Variants in MAST4 observed in about 807,000 individuals in gnomAD.
The protein encoded by MAST4 is microtubule-associated serine/threonine-protein kinase 4.
Under a neutral mutation model 162.7 loss-of-function variants are expected in MAST4, and 89 were observed. That is an observed-to-expected ratio of 0.55 (90% CI 0.46 to 0.65). The LOEUF (loss-of-function observed/expected upper bound fraction) is 0.65, where lower values mean the gene tolerates loss of function less well. Ranked by LOEUF, MAST4 falls within the 30% of genes least tolerant of loss-of-function variation. The pLI is 0.00. For missense variants in MAST4, 3,153 were observed against 3,374.0 expected (o/e 0.93, Z 1.62); for synonymous variants, 1,479 against 1,361.1 (o/e 1.09, Z -1.91).
Position 67,165,132 on chromosome 5 carries a change from C to A in MAST4, c.5953C>A (p.Arg1985Ser). The A allele has an allele frequency of 6.3e-7, 1 of 1,588,688 alleles. No individual in the cohort carries two copies. Among genetic ancestry groups the A allele is most frequent in the Non-Finnish European group, 8.6e-7 (1 of 1,167,362 alleles). Reference protein sequence around the residue: ...ERGPPTARSERSAARADTCRE... With the variant: ...ERGPPTARSESSAARADTCRE... ...AGGCCCTCCCACAGCCAGAAGCGAG[C>A]GCTCTGCTGCGAGGGCTGACACATG... Residue 1985 changes from arginine to serine, a missense_variant, in exon 29 of 29, where the codon CGC becomes AGC. Arg to Ser is a moderately radical substitution (Grantham distance 110, BLOSUM62 -1). Transcript: ENST00000403625.
Position 66,767,478 on chromosome 5 carries a change from G to C in MAST4, c.517+7616G>C, listed in dbSNP as rs80112630. ...GGAAATGATGGCAAACCATATATTG[G>C]CTGCATGTGAGAGAGTAAGATGAGG... On this transcript the variant is annotated intron_variant, in intron 2 of 28. Coordinates refer to ENST00000403625, the MANE Select transcript of MAST4 (RefSeq NM_001164664.2). 9.3e-3 allele frequency among the ~76,000 whole-genome samples: 1,410 copies of C among 152,212 alleles called. 10 individuals carry two copies. The highest frequency in any genetic ancestry group is 0.037 in the South Asian group (176 of 4,814).
At position 66,746,852 on chromosome 5, in the gene MAST4, C is replaced by T. The variant is rs1752789221; in HGVS notation, c.364-12857C>T. ...TCAAATTAGTATTTTCCGTGTTCTC[C>T]CAGTGTCATTGTTCCTAAAGTAAAC... On this transcript the variant is annotated intron_variant, in intron 1 of 28. Transcript: ENST00000403625. Among the ~76,000 whole-genome samples, 3 of 152,098 alleles carry T rather than the reference C, an allele frequency of 2.0e-5. No individual in the cohort carries two copies. In the South Asian group the frequency reaches 6.2e-4, roughly 32 times the overall value.
At chr5:66,846,622 G>A (rs1433420276) in intron 3 of MAST4, among the ~76,000 whole-genome samples, 1 of 152,088 alleles carries the variant, frequency 6.6e-6, no homozygotes, top group Non-Finnish European at 1.5e-5. Flanking sequence ...TATCAGAAGA[G>A]GTATGTTATG....
intron 1 of MAST4, among the ~76,000 whole-genome samples, chr5:66,638,103 G>A (rs1745239260): frequency 6.6e-6 from 1 of 152,078 alleles, no homozygotes; most frequent in African/African-American, 2.4e-5. Context: ...TAAATTAGCT[G>A]TCTAATCACC....
At chr5:66,733,602 C>A (rs953419018) in intron 1 of MAST4, among the ~76,000 whole-genome samples, 9 of 152,022 alleles carry the variant, frequency 5.9e-5, no homozygotes, top group Non-Finnish European at 1.2e-4. Context: ...GGATTACAGG[C>A]GCCCGCCACC....
chr5:67,120,425 T>A (rs950954396), intron 13 of MAST4, among the ~76,000 whole-genome samples: 6 of 152,238 alleles, frequency 3.9e-5, no homozygotes, highest in Admixed American at 2.6e-4. Context: ...AGAATTTTTT[T>A]AAAGCATTTT....
At chr5:66,640,521 G>T (rs768551583) in intron 1 of MAST4, among the ~76,000 whole-genome samples, 1 of 152,094 alleles carries the variant, frequency 6.6e-6, no homozygotes, top group Non-Finnish European at 1.5e-5. Flanking sequence ...TGTTAGCCAG[G>T]ATGGTCTCTA....
At chr5:66,829,854 T>A (rs201515653) in intron 3 of MAST4, among the ~76,000 whole-genome samples, 1 of 106,172 alleles carries the variant, frequency 9.4e-6, no homozygotes, top group Admixed American at 8.5e-5. Flanking sequence ...TACTATAATA[T>A]TAATATAGGC....
chr5:66,944,205 A>T (rs1743705689), intron 4 of MAST4, among the ~76,000 whole-genome samples: 2 of 152,240 alleles, frequency 1.3e-5, no homozygotes, highest in African/African-American at 4.8e-5. Context: ...TTCTAAAATA[A>T]TGTGTTTAAT....
At chr5:67,093,651 G>T (rs775517434) in intron 6 of MAST4, 1 of 463,806 alleles carries the variant, frequency 2.2e-6, no homozygotes, top group South Asian at 1.5e-5. Context: ...TGTAATTTAT[G>T]CTTCAGAACT....
intron 1 of MAST4, among the ~76,000 whole-genome samples, chr5:66,742,167 T>G (rs1477849119): frequency 1.3e-5 from 2 of 152,092 alleles, no homozygotes; most frequent in African/African-American, 4.8e-5. Context: ...AATGGGAAAA[T>G]AGACACTTGG....
At chr5:66,614,825 G>A (rs969763282) in intron 1 of MAST4, among the ~76,000 whole-genome samples, 1 of 152,082 alleles carries the variant, frequency 6.6e-6, no homozygotes, top group South Asian at 2.1e-4. Flanking sequence ...TAGTTCCCTC[G>A]TGTTGGGAGG....
intron 1 of MAST4, among the ~76,000 whole-genome samples, chr5:66,602,718 C>T (rs192108501): frequency 1.9e-4 from 29 of 152,198 alleles, no homozygotes; most frequent in Non-Finnish European, 2.2e-4. Flanking sequence ...AACCACCCTG[C>T]GTGTTTTCTG....
chr5:66,851,063 C>T (rs1041860289), intron 3 of MAST4, among the ~76,000 whole-genome samples: 1 of 151,936 alleles, frequency 6.6e-6, no homozygotes, highest in Admixed American at 6.6e-5. Context: ...AGCAACATTT[C>T]CCCATGGATG....
intron 1 of MAST4, among the ~76,000 whole-genome samples, chr5:66,631,956 C>T (rs115995644): frequency 1.6e-3 from 241 of 152,276 alleles, no homozygotes; most frequent in African/African-American, 5.6e-3. Context: ...GAGACCCCCA[C>T]GCTCCTACAA....
chr5:67,122,135 C>G (rs966469129), intron 14 of MAST4, among the ~76,000 whole-genome samples: 5 of 152,138 alleles, frequency 3.3e-5, no homozygotes, highest in African/African-American at 4.8e-5. Context: ...AAACTATGAC[C>G]TGATCCATTT....
intron 2 of MAST4, among the ~76,000 whole-genome samples, chr5:66,785,638 A>T (rs1755078445): frequency 6.6e-6 from 1 of 152,172 alleles, no homozygotes; most frequent in South Asian, 2.1e-4. Context: ...ATACTTAAAA[A>T]GGAAGTTTAA....
chr5:66,937,727 G>A (rs777476640), intron 4 of MAST4, among the ~76,000 whole-genome samples: 5 of 151,814 alleles, frequency 3.3e-5, no homozygotes, highest in Non-Finnish European at 7.4e-5. Flanking sequence ...CCTTCATGCT[G>A]TATTTCCCTA....
At chr5:67,004,233 C>T (rs555834142) in intron 4 of MAST4, among the ~76,000 whole-genome samples, 259 of 152,194 alleles carry the variant, frequency 1.7e-3, no homozygotes, top group African/African-American at 6.0e-3. Flanking sequence ...TTCCCGTGAG[C>T]CCCCGCTCCT....
Sources: allele counts gnomAD v4.1 joint callset (sites outside exome capture counted in the v4.1 genomes callset), GRCh38; gene constraint gnomAD v4.1.1; transcripts MANE v1.5; gene names NCBI Gene and HGNC (gene_info 2026-07-23, HGNC 2026-07-21).